Variants in PLRG1 observed in about 807,000 individuals in gnomAD.
PLRG1 encodes the protein pleiotropic regulator 1.
Under a neutral mutation model 74.9 loss-of-function variants are expected in PLRG1, and 28 were observed. The ratio of observed to expected loss-of-function variants is 0.37; its 90% confidence interval spans 0.28 to 0.51. The LOEUF is 0.51. PLRG1 is among the 20% of genes least tolerant of loss of function. The pLI is 0.91. For synonymous variants in PLRG1, 197 were observed against 212.4 expected (o/e 0.93, Z 0.63); for missense variants, 445 against 631.9 (o/e 0.70, Z 3.17).
chr4:154,544,415 A>T (rs1729610588), intron 7 of PLRG1, 30 bp downstream of exon 7: 1 of 1,164,490 alleles, frequency 8.6e-7, no homozygotes, highest in Non-Finnish European at 1.3e-6. Flanking sequence ...ATCATGGTTC[A>T]CATAATAAAA....
In PLRG1 at chr4:154,542,145, CA is replaced by C. The variant is rs776083759; in HGVS notation, c.687+41del. 1.8e-5 allele frequency: 22 copies of C among 1,215,654 alleles called. No homozygotes were observed. In the South Asian group the frequency reaches 2.4e-4, roughly 13 times the overall value. The allele number at this position is 1,215,654 out of a possible 1,614,324, so 75.3% of individuals were successfully genotyped here. On this transcript the variant is annotated intron_variant, in intron 8 of 14. Transcript: ENST00000499023. ...ATAATAACTGATTAAACTTACATGA[CA>C]AACACAAAGTCATGTTTATTTTTTC...
intron 4 of PLRG1, 143 bp from the exon 5 acceptor site, chr4:154,546,356 C>T: frequency 3.3e-6 from 2 of 604,194 alleles, no homozygotes; most frequent in Non-Finnish European, 6.0e-6. Context: ...TTAAGTTTTG[C>T]TCATCTTTGT....
chr4:154,549,095 G>A (rs774011524), intron 1 of PLRG1, 160 bp from the exon 2 acceptor site: 2 of 619,078 alleles, frequency 3.2e-6, no homozygotes, highest in South Asian at 3.0e-5. Context: ...GTTCAGAGAA[G>A]AGGAGGAAGC....
intron 1 of PLRG1, chr4:154,549,622 G>A (rs1033751492): frequency 2.2e-5 from 10 of 454,506 alleles, no homozygotes; most frequent in South Asian, 7.8e-5. Flanking sequence ...GCAACATAGG[G>A]TCAGTAAAGG....
intron 8 of PLRG1, 27 bp downstream of exon 8, chr4:154,542,160 G>C: frequency 7.5e-7 from 1 of 1,336,362 alleles, no homozygotes; most frequent in East Asian, 2.3e-5. Flanking sequence ...ACAAAGTCAT[G>C]TTTATTTTTT....
At position 154,541,949 on chromosome 4, in the gene PLRG1, A is replaced by T; in HGVS notation, c.687+238T>A. 3 of 464,536 alleles carry T rather than the reference A, an allele frequency of 6.5e-6. 1 individual carries two copies. Among genetic ancestry groups the T allele is most frequent in the South Asian group, 3.4e-5 (1 of 29,700 alleles). 28.8% of individuals were successfully genotyped at this position (464,536 alleles called of 1,614,324 possible). A position where few individuals can be genotyped will look rare whatever the true frequency, so the allele number is the denominator to read the frequency against. ...GTAACCAGTTGGAGAGAACAATGTA[A>T]GTATAAAGGAATTAGTGGTAGGTAT... On this transcript the variant is annotated intron_variant, in intron 8 of 14. Coordinates refer to ENST00000499023, the MANE Select transcript of PLRG1 (RefSeq NM_002669.4).
At chr4:154,537,208 C>A in intron 14 of PLRG1, 78 bp downstream of exon 14, 2 of 818,814 alleles carry the variant, frequency 2.4e-6, no homozygotes, top group South Asian at 1.8e-5. Context: ...ATTATTTTTC[C>A]TTCTGATAAT....
At chr4:154,546,528 G>A in intron 4 of PLRG1, 1 of 325,006 alleles carries the variant, frequency 3.1e-6, no homozygotes, top group South Asian at 3.8e-5. Flanking sequence ...AATACTAACA[G>A]AATGTTTCCA....
At position 154,542,197 on chromosome 4, in the gene PLRG1, C is replaced by T; in HGVS notation, c.677G>A (p.Arg226Lys). The T allele has an allele frequency of 6.3e-7, 1 of 1,588,616 alleles. No individual in the cohort carries two copies. The highest frequency in any genetic ancestry group is 8.6e-7 in the Non-Finnish European group (1 of 1,156,820). The change falls in exon 8 of 15, where the codon AGA becomes AAA. Residue 226 changes from arginine (R) to lysine (K), a missense_variant. Transcript: ENST00000499023. ...NQWFVTGSAD[R>K]TIKIWDLASG... ...TTCCTTCATTATTACCTTTATAGTTCTGTCAGCAGATCCAGTAACAAACCA... is the reference window on the plus strand; with the variant it reads ...TTCCTTCATTATTACCTTTATAGTTTTGTCAGCAGATCCAGTAACAAACCA...
chr4:154,539,031 T>A, intron 12 of PLRG1, 74 bp downstream of exon 12: 1 of 891,910 alleles, frequency 1.1e-6, no homozygotes, highest in Non-Finnish European at 1.9e-6. Context: ...AAAGCAGTGC[T>A]AACACCACTA....
chr4:154,539,263 T>C (rs766766072), intron 11 of PLRG1, 50 bp from the exon 12 acceptor site: 4 of 1,061,082 alleles, frequency 3.8e-6, no homozygotes, highest in Admixed American at 3.5e-5. Flanking sequence ...GGAAAAATAA[T>C]GCAAAAGTTA....
At position 154,539,318 on chromosome 4, in the gene PLRG1, A is replaced by G. The variant is rs566086053; in HGVS notation, c.1043-105T>C. The G allele has an allele frequency of 3.9e-5, 28 of 714,694 alleles. No homozygotes were observed. The South Asian group carries it at 4.8e-4, about 12-fold the overall frequency. The allele number at this position is 714,694 out of a possible 1,614,324, so 44.3% of individuals were successfully genotyped here. A position where few individuals can be genotyped will look rare whatever the true frequency, so the allele number is the denominator to read the frequency against. ...TTCCAAAACACATATGTTCTAAATG[A>G]AAGTCATATCACACGCAAATTAGTC... On this transcript the variant is annotated intron_variant, in intron 11 of 14. Transcript: ENST00000499023.
chr4:154,541,049 C>A, intron 8 of PLRG1, 115 bp from the exon 9 acceptor site: 2 of 775,100 alleles, frequency 2.6e-6, no homozygotes, highest in South Asian at 4.1e-5. Context: ...ATAACAAATA[C>A]GTAAAAATAA....
At chr4:154,549,975 A>G (rs1356092196) in intron 1 of PLRG1, among the ~76,000 whole-genome samples, 1 of 152,214 alleles carries the variant, frequency 6.6e-6, no homozygotes, top group African/African-American at 2.4e-5. Flanking sequence ...ACTCACTGAC[A>G]CTGCCCCGAG....
Position 154,539,201 on chromosome 4 carries a change from G to C in PLRG1, c.1055C>G (p.Thr352Ser). ...CACCAGATCCCATAATCGAATTGTA[G>C]TATCATGGCTTCCTGTAATGGAAAC... ...EPQIITGSHD[T>S]TIRLWDLVAG... Residue 352 changes from threonine to serine, a missense_variant, in exon 12 of 15, where the codon ACT (threonine) becomes AGT (serine). By Grantham distance (58) the Thr-to-Ser change is moderately conservative. This residue lies in a region of PLRG1 where 221 missense variants were observed against 377.7 expected (regional missense o/e 0.59). Coordinates refer to ENST00000499023, the MANE Select transcript of PLRG1 (RefSeq NM_002669.4). 1 of 1,599,186 alleles carries C rather than the reference G, an allele frequency of 6.3e-7. No homozygotes were observed. The highest frequency in any genetic ancestry group is 8.6e-7 in the Non-Finnish European group (1 of 1,166,580).
chr4:154,543,817 C>T (rs1729598620), intron 7 of PLRG1: 1 of 152,124 alleles, frequency 6.6e-6, no homozygotes, highest in Non-Finnish European at 1.5e-5. Context: ...TGTACATTTC[C>T]TACTATGTAC....
intron 5 of PLRG1, 53 bp downstream of exon 5, chr4:154,546,070 A>G (rs929006163): frequency 8.2e-7 from 1 of 1,220,914 alleles, no homozygotes; most frequent in African/African-American, 1.5e-5. Context: ...AAAAGAAAAA[A>G]TGTGAACAGT....
intron 12 of PLRG1, 118 bp downstream of exon 12, chr4:154,538,987 A>G: frequency 1.5e-6 from 1 of 685,514 alleles, no homozygotes; most frequent in Admixed American, 2.2e-5. Flanking sequence ...TATGCGGCAC[A>G]GGCCTAGAAA....
intron 12 of PLRG1, among the ~76,000 whole-genome samples, chr4:154,538,624 G>A (rs1366075767): frequency 6.6e-6 from 1 of 151,926 alleles, no homozygotes; most frequent in Non-Finnish European, 1.5e-5. Context: ...GAAGAATCCA[G>A]AAAAGTGTCA....
Sources: allele counts gnomAD v4.1 joint callset (sites outside exome capture counted in the v4.1 genomes callset), GRCh38; gene constraint gnomAD v4.1.1; regional missense constraint gnomAD v4.1.1; transcripts MANE v1.5; gene names NCBI Gene and HGNC (gene_info 2026-07-23, HGNC 2026-07-21).